The following AKT3 variants were observed in gnomAD, a reference collection of about 807,000 sequenced individuals.
The protein encoded by AKT3 is AKT serine/threonine kinase 3.
AKT3 carries 15 observed loss-of-function variants against 65.3 expected under a neutral mutation model. The ratio of observed to expected loss-of-function variants is 0.23; its 90% CI spans 0.15 to 0.35. The LOEUF (loss-of-function observed/expected upper bound fraction) is 0.35, where lower values mean the gene tolerates loss of function less well. AKT3 is among the 10% of genes least tolerant of loss of function. The probability of loss-of-function intolerance (pLI) is 1.00; values close to 1 mark genes in which losing one functional copy is unlikely to be tolerated. For synonymous variants in AKT3, 206 were observed against 183.8 expected, an observed-to-expected ratio of 1.12 and a Z score of -0.98; for missense variants, 243 against 576.5, an observed-to-expected ratio of 0.42 and a Z score of 5.92.
intron 9 of AKT3, among the ~76,000 whole-genome samples, chr1:243,568,781 C>G (rs991107826): frequency 1.3e-5 from 2 of 152,146 alleles, no homozygotes; most frequent in Non-Finnish European, 2.9e-5. Flanking sequence ...GGACAAGATG[C>G]TTGAAGCCAG....
intron 2 of AKT3, among the ~76,000 whole-genome samples, chr1:243,696,117 A>C (rs1483287247): frequency 6.6e-6 from 1 of 151,852 alleles, no homozygotes; most frequent in Non-Finnish European, 1.5e-5. Flanking sequence ...GAGGCAAGAA[A>C]TAGATGTTTC....
chr1:243,493,983 A>G (rs115137638), intron 13 of AKT3, among the ~76,000 whole-genome samples: 1,680 of 152,194 alleles, frequency 0.011, 32 homozygotes, highest in African/African-American at 0.039. Context: ...CAGGCTGCCC[A>G]TGTTAGGCCT....
chr1:243,516,589 G>C (rs1365816302), intron 12 of AKT3, among the ~76,000 whole-genome samples: 3 of 151,984 alleles, frequency 2.0e-5, no homozygotes, highest in Non-Finnish European at 4.4e-5. Flanking sequence ...ATCTGGCTCT[G>C]TCACCCAGGC....
chr1:243,679,467 T>C (rs909158407), intron 3 of AKT3, among the ~76,000 whole-genome samples: 1 of 152,214 alleles, frequency 6.6e-6, no homozygotes, highest in Non-Finnish European at 1.5e-5. Flanking sequence ...GCCATCTTCA[T>C]TGACATTATA....
intron 2 of AKT3, among the ~76,000 whole-genome samples, chr1:243,801,663 T>A (rs1692389449): frequency 6.6e-6 from 1 of 151,976 alleles, no homozygotes; most frequent in African/African-American, 2.4e-5. Context: ...AGAAACAAAT[T>A]CAGATCATGA....
chr1:243,810,203 T>TA (rs1280443655), intron 2 of AKT3, among the ~76,000 whole-genome samples: 1 of 151,958 alleles, frequency 6.6e-6, no homozygotes, highest in African/African-American at 2.4e-5. Flanking sequence ...GATAGAGACA[T>TA]AAAAAACCCT....
chr1:243,647,467 T>C (rs887646420), intron 4 of AKT3, among the ~76,000 whole-genome samples: 3 of 152,248 alleles, frequency 2.0e-5, no homozygotes, highest in African/African-American at 7.2e-5. Flanking sequence ...ACAATGTTCC[T>C]AATGACATGT....
chr1:243,662,538 A>C (rs944675694), intron 4 of AKT3, among the ~76,000 whole-genome samples: 5 of 122,360 alleles, frequency 4.1e-5, no homozygotes, highest in African/African-American at 9.7e-5. Context: ...GGGGAACATC[A>C]CACTCTGGGG....
chr1:243,794,549 T>C (rs960475140), intron 2 of AKT3: 1 of 152,240 alleles, frequency 6.6e-6, no homozygotes, highest in Non-Finnish European at 1.5e-5. Flanking sequence ...ATTCATATTT[T>C]CTTTTATAAC....
intron 6 of AKT3, among the ~76,000 whole-genome samples, chr1:243,623,555 C>G (rs1678924407): frequency 6.6e-6 from 1 of 152,134 alleles, no homozygotes; most frequent in Non-Finnish European, 1.5e-5. Context: ...AAGGCACTCT[C>G]CTGGAATGGG....
chr1:243,732,130 T>C (rs796630110), intron 2 of AKT3, among the ~76,000 whole-genome samples: 1 of 152,078 alleles, frequency 6.6e-6, no homozygotes, highest in Admixed American at 6.6e-5. Context: ...ACCACAGAAC[T>C]CTGAGCCACA....
chr1:243,766,634 G>A (rs1251244836), intron 2 of AKT3, among the ~76,000 whole-genome samples: 1 of 151,996 alleles, frequency 6.6e-6, no homozygotes, highest in Non-Finnish European at 1.5e-5. Context: ...ATTCAAATGA[G>A]GAAAAGACAC....
chr1:243,749,365 C>T (rs373778779), intron 2 of AKT3, among the ~76,000 whole-genome samples: 3 of 152,212 alleles, frequency 2.0e-5, no homozygotes, highest in East Asian at 3.9e-4. Flanking sequence ...AATCATGCCA[C>T]ATCTTCTTTA....
At position 243,544,991 on chromosome 1, in the gene AKT3, C is replaced by T. The variant is rs148507617; in HGVS notation, c.1251+519G>A. 4.2e-4 allele frequency among the ~76,000 whole-genome samples: 64 copies of T among 152,114 alleles called. No homozygotes were observed. The East Asian group carries it at 0.012, about 29-fold the overall frequency. ...GGGATTACAGGCATGAGCCACCATG[C>T]CTGGCCTAGTAGTATTAATTTTGTG... On this transcript the variant is annotated intron_variant, in intron 12 of 13. Coordinates refer to ENST00000673466, the MANE Select transcript of AKT3 (RefSeq NM_005465.7).
intron 2 of AKT3, among the ~76,000 whole-genome samples, chr1:243,697,369 A>G (rs1685121058): frequency 6.6e-6 from 1 of 151,330 alleles, no homozygotes; most frequent in South Asian, 2.1e-4. Context: ...ATTTAGGGGG[A>G]AAAAATCTGG....
At position 243,543,577 on chromosome 1, in the gene AKT3, C is replaced by A. The variant is rs536820229; in HGVS notation, c.1251+1933G>T. 9.1e-4 allele frequency among the ~76,000 whole-genome samples: 138 copies of A among 152,262 alleles called. 1 individual carries two copies. Among genetic ancestry groups the A allele is most frequent in the African/African-American group, 3.1e-3 (128 of 41,544 alleles). On this transcript the variant is annotated intron_variant, in intron 12 of 13. Transcript: ENST00000673466. ...CATGCATGATTTCTGGGAGAGACAGCAAGCCCTTCTTCCTTCCAGGTTCTT... is the reference window on the plus strand; with the variant it reads ...CATGCATGATTTCTGGGAGAGACAGAAAGCCCTTCTTCCTTCCAGGTTCTT...
intron 6 of AKT3, among the ~76,000 whole-genome samples, chr1:243,623,648 C>T (rs1678931881): frequency 6.6e-6 from 1 of 152,098 alleles, no homozygotes; most frequent in Non-Finnish European, 1.5e-5. Flanking sequence ...CAGCAACTCC[C>T]TAGTTTCCCA....
chr1:243,675,421 A>C (rs532754303), intron 3 of AKT3, among the ~76,000 whole-genome samples: 1 of 152,258 alleles, frequency 6.6e-6, no homozygotes, highest in East Asian at 1.9e-4. Flanking sequence ...GGCTGGTCTC[A>C]AACTCCTGAC....
At chr1:243,499,288 G>C (rs947807851), downstream of AKT3, among the ~76,000 whole-genome samples, 3 of 152,236 alleles carry the variant, frequency 2.0e-5, no homozygotes, top group African/African-American at 7.2e-5. Flanking sequence ...ATTGCTTGCA[G>C]TTACAAATTT....
Sources: allele counts gnomAD v4.1 joint callset (sites outside exome capture counted in the v4.1 genomes callset), GRCh38; gene constraint gnomAD v4.1.1; transcripts MANE v1.5; gene names NCBI Gene and HGNC (gene_info 2026-07-23, HGNC 2026-07-21).